C3orf49: variants seen among roughly 807,000 people sequenced by gnomAD.
The protein encoded by C3orf49 is putative uncharacterized protein C3orf49.
In C3orf49, 27 loss-of-function variants were observed where a neutral mutation model predicts 13.3. That is an observed-to-expected ratio of 2.02 (90% CI 1.49 to 2.79). C3orf49 has a LOEUF of 2.79. C3orf49 is among the 30% of genes most tolerant of loss of function. C3orf49 has a pLI of 0.00. For synonymous variants in C3orf49, 87 were observed against 47.6 expected (o/e 1.83, Z -3.40); for missense variants, 242 against 134.2 (o/e 1.80, Z -3.97).
chr3:63,814,103 G>A, the C3orf49 span, among the ~76,000 whole-genome samples: 12 of 152,106 alleles, frequency 7.9e-5, no homozygotes, highest in Admixed American at 7.9e-4. Flanking sequence ...GTCTAATAAC[G>A]GGCCAGGAGC....
chr3:63,779,881 C>G, the C3orf49 span: 2 of 152,096 alleles, frequency 1.3e-5, no homozygotes, highest in African/African-American at 4.8e-5. Flanking sequence ...GTTAAATCCC[C>G]CAGGTTATCT....
In C3orf49 at chr3:63,827,421, CG is replaced by C; in HGVS notation, c.446-179del. ...TCATGACCATAACAAAAGGCAAATGCGTGCAGGAGAAAGTGTAAGATTGGGA... is the reference window on the plus strand; with the variant it reads ...TCATGACCATAACAAAAGGCAAATGCTGCAGGAGAAAGTGTAAGATTGGGA... On this transcript the variant is annotated intron_variant, in intron 2 of 6. Coordinates refer to ENST00000295896, the MANE Select transcript of C3orf49 (RefSeq NM_001355236.2). 6.0e-6 allele frequency: 3 copies of C among 499,396 alleles called. No homozygotes were observed. The South Asian group carries it at 1.0e-4, about 17-fold the overall frequency. 30.9% of individuals were successfully genotyped at this position (499,396 alleles called of 1,614,324 possible). A position where few individuals can be genotyped will look rare whatever the true frequency, so the allele number is the denominator to read the frequency against.
the C3orf49 span, among the ~76,000 whole-genome samples, chr3:63,812,516 A>C: frequency 0.026 from 3,912 of 152,298 alleles, 75 homozygotes; most frequent in Non-Finnish European, 0.038. Flanking sequence ...ACTAAGTTGA[A>C]ATAAAATATT....
intron 2 of C3orf49, 63 bp downstream of exon 2, chr3:63,823,632 G>A (rs1160098208): frequency 1.5e-6 from 1 of 646,440 alleles, no homozygotes; most frequent in East Asian, 2.7e-5. Flanking sequence ...AATTAGGATG[G>A]ATTATCTTGC....
chr3:63,839,573 TTTGA>T (rs138554894), intron 5 of C3orf49: 149,156 of 1,150,224 alleles, frequency 0.13, 10,166 homozygotes, highest in Admixed American at 0.17. Flanking sequence ...TGAGTGAAAA[TTTGA>T]TCTACTCACA....
the C3orf49 span, among the ~76,000 whole-genome samples, chr3:63,784,301 A>T: frequency 6.6e-6 from 1 of 152,326 alleles, no homozygotes; most frequent in Middle Eastern, 3.4e-3. Flanking sequence ...AAATCTGGGG[A>T]TTTATAAATA....
intron 5 of C3orf49, among the ~76,000 whole-genome samples, chr3:63,834,902 C>G (rs1181705320): frequency 6.6e-6 from 1 of 152,032 alleles, no homozygotes; most frequent in East Asian, 1.9e-4. Context: ...AGAAAGATTC[C>G]AAATCTATCA....
At chr3:63,786,328 T>A in the C3orf49 span, among the ~76,000 whole-genome samples, 60 of 152,268 alleles carry the variant, frequency 3.9e-4, no homozygotes, top group African/African-American at 1.4e-3. Flanking sequence ...TCTTGAAAAA[T>A]TTCTATTCTT....
chr3:63,807,875 A>AG, the C3orf49 span, among the ~76,000 whole-genome samples: 2 of 148,410 alleles, frequency 1.3e-5, no homozygotes, highest in African/African-American at 2.5e-5. Flanking sequence ...AAAAAAAAAA[A>AG]AAAGAAAGAA....
At chr3:63,840,644 C>A (rs902201085) in intron 5 of C3orf49, among the ~76,000 whole-genome samples, 8 of 152,096 alleles carry the variant, frequency 5.3e-5, no homozygotes, top group East Asian at 1.9e-4. Flanking sequence ...TGATGGCCAA[C>A]AAGTGGGGTC....
the C3orf49 span, among the ~76,000 whole-genome samples, chr3:63,807,063 T>A: frequency 1.3e-5 from 2 of 152,106 alleles, no homozygotes; most frequent in Non-Finnish European, 2.9e-5. Context: ...GTCATTCTCC[T>A]GCCTCAGCCA....
chr3:63,840,289 A>C (rs1183336538), intron 5 of C3orf49, among the ~76,000 whole-genome samples: 1 of 152,210 alleles, frequency 6.6e-6, no homozygotes, highest in African/African-American at 2.4e-5. Flanking sequence ...AGGAAAAAAA[A>C]ATGAGATGGG....
chr3:63,795,365 A>G, the C3orf49 span, among the ~76,000 whole-genome samples: 293 of 152,240 alleles, frequency 1.9e-3, 2 homozygotes, highest in African/African-American at 6.7e-3. Context: ...CTGTTCCCAC[A>G]CTATGGAATG....
chr3:63,809,954 C>A, the C3orf49 span, among the ~76,000 whole-genome samples: 1 of 152,068 alleles, frequency 6.6e-6, no homozygotes, highest in South Asian at 2.1e-4. Context: ...TCAAGACGAG[C>A]CTGGCTAACA....
the C3orf49 span, among the ~76,000 whole-genome samples, chr3:63,789,810 C>CAAAAAA: frequency 2.0e-5 from 1 of 49,660 alleles, no homozygotes; most frequent in Non-Finnish European, 3.9e-5. Flanking sequence ...GACTCTGTCT[C>CAAAAAA]AAAAAAAAAA....
At position 63,838,265 on chromosome 3, in the gene C3orf49, C is replaced by T. The variant is rs1196278566; in HGVS notation, c.849+6421C>T. The T allele has an allele frequency of 7.4e-6, 7 of 949,716 alleles. No homozygotes were observed. In the Admixed American group the frequency reaches 1.2e-4, roughly 17 times the overall value. 58.8% of individuals were successfully genotyped at this position (949,716 alleles called of 1,614,324 possible). A position where few individuals can be genotyped will look rare whatever the true frequency, so the allele number is the denominator to read the frequency against. On this transcript the variant is annotated intron_variant, in intron 5 of 6. Coordinates refer to ENST00000295896, the MANE Select transcript of C3orf49 (RefSeq NM_001355236.2). ...ATTTACTGTATTCTTTCCATTAATACAGTAATTGTTATTATTCTTTTACCA... is the reference window on the plus strand; with the variant it reads ...ATTTACTGTATTCTTTCCATTAATATAGTAATTGTTATTATTCTTTTACCA...
chr3:63,807,652 T>A, the C3orf49 span, among the ~76,000 whole-genome samples: 5 of 150,002 alleles, frequency 3.3e-5, no homozygotes, highest in African/African-American at 1.2e-4. Context: ...GGTCTGGGAG[T>A]TCGAGGACAG....
At chr3:63,803,589 A>C in the C3orf49 span, among the ~76,000 whole-genome samples, 15 of 152,214 alleles carry the variant, frequency 9.9e-5, no homozygotes, top group African/African-American at 3.6e-4. Context: ...TCATGTTCAC[A>C]TTGGTCCCCT....
At position 63,835,091 on chromosome 3, in the gene C3orf49, G is replaced by T. The variant is rs1701602052; in HGVS notation, c.849+3247G>T. The T allele has an allele frequency of 2.0e-6, 3 of 1,498,932 alleles. No homozygotes were observed. In the South Asian group the frequency reaches 3.5e-5, roughly 18 times the overall value. 92.9% of individuals were successfully genotyped at this position (1,498,932 alleles called of 1,614,324 possible). A position where few individuals can be genotyped will look rare whatever the true frequency, so the allele number is the denominator to read the frequency against. On this transcript the variant is annotated intron_variant, in intron 5 of 6. Coordinates refer to ENST00000295896, the MANE Select transcript of C3orf49 (RefSeq NM_001355236.2). The stretch of plus-strand genomic sequence containing the variant: ...CTCTCCAAGATGTATATTTCAAAAG[G>T]TACATCCCTGGGTCATTTAAAAAAT...
Sources: allele counts gnomAD v4.1 joint callset (sites outside exome capture counted in the v4.1 genomes callset), GRCh38; gene constraint gnomAD v4.1.1; transcripts MANE v1.5; gene names NCBI Gene and HGNC (gene_info 2026-07-23, HGNC 2026-07-21).